RASSF9: variants seen among roughly 807,000 people sequenced by gnomAD.
RASSF9 encodes ras association domain-containing protein 9.
Under a neutral mutation model 21.4 loss-of-function variants are expected in RASSF9, and 18 were observed. That is an observed-to-expected ratio of 0.84 (90% CI 0.58 to 1.25). RASSF9 has a LOEUF of 1.25. Among genes scored for constraint, RASSF9 ranks in the 50% most tolerant of loss-of-function variants. RASSF9 has a pLI of 0.00. For synonymous variants in RASSF9, 183 were observed against 179.1 expected, an observed-to-expected ratio of 1.02 and a Z score of -0.18; for missense variants, 480 against 503.2, an observed-to-expected ratio of 0.95 and a Z score of 0.44.
intron 1 of RASSF9, among the ~76,000 whole-genome samples, chr12:85,815,447 G>A (rs1368139433): frequency 6.6e-6 from 1 of 152,040 alleles, no homozygotes; most frequent in Non-Finnish European, 1.5e-5. Flanking sequence ...GCTCCTTTGG[G>A]TAGATACCCA....
At chr12:85,818,900 AGTGAGCT>A (rs1880141715) in intron 1 of RASSF9, among the ~76,000 whole-genome samples, 2 of 143,518 alleles carry the variant, frequency 1.4e-5, no homozygotes, top group Non-Finnish European at 3.0e-5. Flanking sequence ...TGGAGCTTGC[AGTGAGCT>A]GATATCGCGC....
intron 1 of RASSF9, among the ~76,000 whole-genome samples, chr12:85,824,439 T>C (rs1446085148): frequency 6.6e-6 from 1 of 152,228 alleles, no homozygotes; most frequent in East Asian, 1.9e-4. Context: ...TAACTCTGTT[T>C]TACTATATAT....
In RASSF9 at chr12:85,802,454, GA is replaced by G. The variant is rs1247662287; in HGVS notation, c.*2247del. 6.6e-6 allele frequency: 1 copy of G among 152,118 alleles called. No homozygotes were observed. The highest frequency in any genetic ancestry group is 2.4e-5 in the African/African-American group (1 of 41,442). 9.4% of individuals were successfully genotyped at this position (152,118 alleles called of 1,614,324 possible). A position where few individuals can be genotyped will look rare whatever the true frequency, so the allele number is the denominator to read the frequency against. ...TAACTAATGAGCAAATGGAAATTCT[GA>G]AATGAATTTAAAAAGCAATGGTACT... On this transcript the variant is annotated 3_prime_UTR_variant, in exon 2 of 2. Transcript: ENST00000361228.
rs1047243110 is a variant in RASSF9 at position 85,805,652 on chromosome 12, A to G, written c.358T>C (p.Phe120Leu). The stretch of plus-strand genomic sequence containing the variant: ...GTCCGCCACAAAGGAACTGGAAGAA[A>G]AGCATCTGCTTTAACCAAAACAAAT... ...MQFVLVKADAFLPVPLWRTAE... is the reference protein window; with the variant it reads ...MQFVLVKADALLPVPLWRTAE... Residue 120 changes from phenylalanine to leucine, a missense_variant, in exon 2 of 2, where the codon TTT (phenylalanine) becomes CTT (leucine). Transcript: ENST00000361228. The G allele has an allele frequency of 2.4e-5, 38 of 1,613,858 alleles. No individual in the cohort carries two copies. Among genetic ancestry groups the G allele is most frequent in the Non-Finnish European group, 3.1e-5 (37 of 1,179,908 alleles).
At position 85,802,292 on chromosome 12, in the gene RASSF9, T is replaced by C. The variant is rs987873112; in HGVS notation, c.*2410A>G. 2 of 152,178 alleles carry C rather than the reference T, an allele frequency of 1.3e-5. No individual in the cohort carries two copies. Among genetic ancestry groups the C allele is most frequent in the South Asian group, 4.1e-4 (2 of 4,834 alleles). The allele number at this position is 152,178 out of a possible 1,614,324, so 9.4% of individuals were successfully genotyped here. A position where few individuals can be genotyped will look rare whatever the true frequency, so the allele number is the denominator to read the frequency against. ...TAACAAATAGTTCAGTATCCAGACA[T>C]GAGGGCATTGTATTTCAGTACTTCT... On this transcript the variant is annotated 3_prime_UTR_variant, in exon 2 of 2. Transcript: ENST00000361228.
intron 1 of RASSF9, among the ~76,000 whole-genome samples, chr12:85,810,140 G>A (rs1447915120): frequency 6.6e-6 from 1 of 151,874 alleles, no homozygotes; most frequent in East Asian, 1.9e-4. Flanking sequence ...GCTTCACCAA[G>A]CCTAGAGTCT....
intron 1 of RASSF9, among the ~76,000 whole-genome samples, chr12:85,821,603 C>G (rs1170253618): frequency 6.6e-6 from 1 of 151,778 alleles, no homozygotes; most frequent in African/African-American, 2.4e-5. Context: ...TTAATAAAAA[C>G]AAAAGAAAAA....
rs1879769824 is a variant in RASSF9 at position 85,804,467 on chromosome 12, A to G, written c.*235T>C. The G allele has an allele frequency of 4.8e-6, 2 of 419,348 alleles. No individual in the cohort carries two copies. Among genetic ancestry groups the G allele is most frequent in the South Asian group, 1.3e-4 (2 of 15,764 alleles). The allele number at this position is 419,348 out of a possible 1,614,324, so 26.0% of individuals were successfully genotyped here. On this transcript the variant is annotated 3_prime_UTR_variant, in exon 2 of 2. Coordinates refer to ENST00000361228, the MANE Select transcript of RASSF9 (RefSeq NM_005447.4). ...CCATCAAATTATTTCTGTGTTCTAC[A>G]ACGACAAGCTATTTGTGCTGCATTC... is the stretch of plus-strand genomic sequence containing the variant.
Position 85,805,808 on chromosome 12 carries a change from G to T in RASSF9, c.202C>A (p.Arg68=). ...EEHEATFGEK[R]FLLGKPSDYC... ...TCACTGGGCTTCCCCAGAAGAAATCGTTTCTCTCCAAACGTAGCCTCATGT... is the reference window on the plus strand; with the variant it reads ...TCACTGGGCTTCCCCAGAAGAAATCTTTTCTCTCCAAACGTAGCCTCATGT... Residue 68 remains arginine (R), a synonymous_variant, in exon 2 of 2, where the codon CGA becomes AGA. Transcript: ENST00000361228. 2 of 1,613,828 alleles carry T rather than the reference G, an allele frequency of 1.2e-6. No individual in the cohort carries two copies. The highest frequency in any genetic ancestry group is 2.2e-5 in the South Asian group (2 of 91,082).
At position 85,801,301 on chromosome 12, in the gene RASSF9, A is replaced by G. The variant is rs190393733; in HGVS notation, c.*3401T>C. The G allele has an allele frequency of 6.6e-6, 1 of 152,308 alleles. No homozygotes were observed. The highest frequency in any genetic ancestry group is 1.5e-5 in the Non-Finnish European group (1 of 68,016). 9.4% of individuals were successfully genotyped at this position (152,308 alleles called of 1,614,324 possible). A position where few individuals can be genotyped will look rare whatever the true frequency, so the allele number is the denominator to read the frequency against. On this transcript the variant is annotated 3_prime_UTR_variant, in exon 2 of 2. Coordinates refer to ENST00000361228, the MANE Select transcript of RASSF9 (RefSeq NM_005447.4). ...ATTTAATTTTTCTTTCCCAAAATGT[A>G]TAAGGTCAATTACTGTTAATGTTTT...
intron 1 of RASSF9, among the ~76,000 whole-genome samples, chr12:85,835,147 G>T (rs1880531645): frequency 6.6e-6 from 1 of 152,050 alleles, no homozygotes; most frequent in Admixed American, 6.6e-5. Flanking sequence ...TTGTCATGTA[G>T]ACACTTTAAA....
chr12:85,803,420 T>A lies in RASSF9; in HGVS notation c.*1282A>T, dbSNP rs1879745306. The A allele has an allele frequency of 6.6e-6, 1 of 152,046 alleles. No homozygotes were observed. The highest frequency in any genetic ancestry group is 6.5e-5 in the Admixed American group (1 of 15,270). The allele number at this position is 152,046 out of a possible 1,614,324, so 9.4% of individuals were successfully genotyped here. On this transcript the variant is annotated 3_prime_UTR_variant, in exon 2 of 2. Transcript: ENST00000361228. ...AGTTAACAGTACAATAAAAAATAAT[T>A]ATTTCATTATGATTGCATCATGTGT...
At chr12:85,831,636 A>G (rs963581155) in intron 1 of RASSF9, among the ~76,000 whole-genome samples, 6 of 151,946 alleles carry the variant, frequency 3.9e-5, no homozygotes, top group Non-Finnish European at 8.8e-5. Flanking sequence ...AGATTTACAT[A>G]CTCAAATATC....
At chr12:85,836,031 C>G in intron 1 of RASSF9, 124 bp downstream of exon 1, 10 of 1,521,310 alleles carry the variant, frequency 6.6e-6, no homozygotes, top group Middle Eastern at 4.6e-4. Context: ...CCCCACGAAG[C>G]CTTTTTTTAT....
At chr12:85,811,854 T>G (rs1275599885) in intron 1 of RASSF9, among the ~76,000 whole-genome samples, 1 of 151,710 alleles carries the variant, frequency 6.6e-6, no homozygotes, top group East Asian at 1.9e-4. Flanking sequence ...AAATTCAGAG[T>G]ACCATCTTAC....
chr12:85,825,783 TACACACAC>T lies in RASSF9; in HGVS notation c.47+10364_47+10371del, dbSNP rs112920213. ...CAAAAGGTAAAAATAATGTGATCTTTACACACACACACACACACACACACACACACACC... is the reference window on the plus strand; with the variant it reads ...CAAAAGGTAAAAATAATGTGATCTTTACACACACACACACACACACACACC... On this transcript the variant is annotated intron_variant, in intron 1 of 1. Transcript: ENST00000361228. 3.9e-4 allele frequency among the ~76,000 whole-genome samples: 58 copies of T among 147,152 alleles called. 1 individual carries two copies. The highest frequency in any genetic ancestry group is 8.8e-4 in the South Asian group (4 of 4,526).
rs569972634 is a variant in RASSF9 at position 85,803,282 on chromosome 12, A to G, written c.*1420T>C. On this transcript the variant is annotated 3_prime_UTR_variant, in exon 2 of 2. Coordinates refer to ENST00000361228, the MANE Select transcript of RASSF9 (RefSeq NM_005447.4). ...AAGAGAAGAAATGAGAAGGATTGGG[A>G]CCCTTAACCAATGTCCACATATTAA... 1 of 152,152 alleles carries G rather than the reference A, an allele frequency of 6.6e-6. No individual in the cohort carries two copies. The highest frequency in any genetic ancestry group is 1.5e-5 in the Non-Finnish European group (1 of 68,010). 9.4% of individuals were successfully genotyped at this position (152,152 alleles called of 1,614,324 possible). A position where few individuals can be genotyped will look rare whatever the true frequency, so the allele number is the denominator to read the frequency against.
At chr12:85,826,983 CT>C (rs1412707268) in intron 1 of RASSF9, among the ~76,000 whole-genome samples, 1 of 152,062 alleles carries the variant, frequency 6.6e-6, no homozygotes, top group African/African-American at 2.4e-5. Flanking sequence ...TTTTTCCCAA[CT>C]TTTTATATTC....
chr12:85,834,589 G>A (rs572024476), intron 1 of RASSF9, among the ~76,000 whole-genome samples: 6 of 152,090 alleles, frequency 3.9e-5, no homozygotes, highest in African/African-American at 1.4e-4. Flanking sequence ...ATCTCAAATT[G>A]CTAAAGCAAA....
Sources: gnomAD v4.1 joint callset for allele counts (sites outside exome capture counted in the v4.1 genomes callset) on GRCh38, gnomAD v4.1.1 for gene constraint, MANE v1.5 for transcripts, NCBI Gene and HGNC (gene_info 2026-07-23, HGNC 2026-07-21) for gene names.